The following PLXNA4 variants were observed in gnomAD, a reference collection of about 807,000 sequenced individuals.
PLXNA4 encodes plexin A4.
PLXNA4 carries 44 observed loss-of-function variants against 191.8 expected under a neutral mutation model. The observed-to-expected ratio is 0.23, with a 90% CI of 0.18 to 0.29. The LOEUF is 0.29. PLXNA4 is among the 10% of genes least tolerant of loss of function. The pLI is 1.00. For synonymous variants in PLXNA4, 1,082 were observed against 1,009.5 expected, an observed-to-expected ratio of 1.07 and a Z score of -1.36; for missense variants, 1,800 against 2,488.8, an observed-to-expected ratio of 0.72 and a Z score of 5.89.
chr7:132,555,045 G>GAAAAAAAAAAACAAAAAAAAAAAAAAAAA (rs770401001), intron 1 of PLXNA4, among the ~76,000 whole-genome samples: 1 of 111,938 alleles, frequency 8.9e-6, no homozygotes, highest in Non-Finnish European at 1.7e-5. Context: ...AAACCTGAAG[G>GAAAAAAAAAAACAAAAAAAAAAAAAAAAA]AAAAAAAAAA....
chr7:132,625,685 A>T (rs1423829412), intron 2 of PLXNA4, among the ~76,000 whole-genome samples: 1 of 152,184 alleles, frequency 6.6e-6, no homozygotes, highest in Non-Finnish European at 1.5e-5. Context: ...ATAGGATGTA[A>T]AGGAGTAAAA....
intron 25 of PLXNA4, among the ~76,000 whole-genome samples, chr7:132,149,144 G>A (rs1795521175): frequency 6.6e-6 from 1 of 152,086 alleles, no homozygotes; most frequent in African/African-American, 2.4e-5. Flanking sequence ...TGGCAGGTGT[G>A]TCACCCTTGT....
intron 3 of PLXNA4, among the ~76,000 whole-genome samples, chr7:132,405,734 G>A (rs1325809223): frequency 3.9e-5 from 6 of 152,200 alleles, no homozygotes; most frequent in Non-Finnish European, 7.3e-5. Flanking sequence ...ACATTGTGAG[G>A]ATGTGCAGAG....
At chr7:132,170,377 C>A (rs527431964) in intron 21 of PLXNA4, among the ~76,000 whole-genome samples, 2 of 152,262 alleles carry the variant, frequency 1.3e-5, no homozygotes, top group Non-Finnish European at 2.9e-5. Context: ...CTTGGCACTT[C>A]TTTCTGCCAT....
chr7:132,585,468 C>T (rs1157935834), intron 2 of PLXNA4, among the ~76,000 whole-genome samples: 3 of 152,134 alleles, frequency 2.0e-5, no homozygotes, highest in Admixed American at 2.0e-4. Context: ...AAAACACAAA[C>T]AAATGAGCCT....
chr7:132,434,905 T>G (rs916708083), intron 3 of PLXNA4, among the ~76,000 whole-genome samples: 1 of 152,166 alleles, frequency 6.6e-6, no homozygotes, highest in South Asian at 2.1e-4. Context: ...TCACCCAGGA[T>G]GAGGAACCCA....
At chr7:132,544,782 A>G (rs1357873452) in intron 1 of PLXNA4, among the ~76,000 whole-genome samples, 1 of 152,232 alleles carries the variant, frequency 6.6e-6, no homozygotes, top group Non-Finnish European at 1.5e-5. Flanking sequence ...GTATGAGTGA[A>G]TATCAAAAGT....
chr7:132,629,481 C>T (rs1289921550), intron 2 of PLXNA4, among the ~76,000 whole-genome samples: 6 of 152,216 alleles, frequency 3.9e-5, no homozygotes, highest in Non-Finnish European at 8.8e-5. Context: ...CTCTCCTGAA[C>T]CATTACCTCT....
chr7:132,268,555 G>A (rs529808905), intron 4 of PLXNA4, among the ~76,000 whole-genome samples: 6 of 152,290 alleles, frequency 3.9e-5, no homozygotes, highest in Admixed American at 2.0e-4. Context: ...TGTGGCTGGC[G>A]GGAGGGTCAT....
chr7:132,256,752 C>T (rs1430357558), intron 4 of PLXNA4, among the ~76,000 whole-genome samples: 1 of 152,182 alleles, frequency 6.6e-6, no homozygotes, highest in Non-Finnish European at 1.5e-5. Context: ...CAACCCATGA[C>T]CCTGTTAATG....
intron 24 of PLXNA4, among the ~76,000 whole-genome samples, chr7:132,160,298 T>C (rs578222757): frequency 5.3e-5 from 8 of 152,248 alleles, no homozygotes; most frequent in African/African-American, 7.2e-5. Context: ...TGAGATTCTT[T>C]CGTGGCCCTG....
chr7:132,522,116 C>T (rs1014002363), intron 1 of PLXNA4, among the ~76,000 whole-genome samples: 1 of 152,186 alleles, frequency 6.6e-6, no homozygotes, highest in Non-Finnish European at 1.5e-5. Context: ...GTAGACTCAG[C>T]AGCTCTTCTG....
At chr7:132,500,013 T>C (rs1247498021) in intron 2 of PLXNA4, among the ~76,000 whole-genome samples, 2 of 152,144 alleles carry the variant, frequency 1.3e-5, no homozygotes, top group Non-Finnish European at 2.9e-5. Context: ...TTTCTCCTTC[T>C]CTCCACTGAC....
At chr7:132,138,197 A>C (rs1469614257) in intron 30 of PLXNA4, among the ~76,000 whole-genome samples, 1 of 152,180 alleles carries the variant, frequency 6.6e-6, no homozygotes, top group Non-Finnish European at 1.5e-5. Context: ...ATGGTGCAGA[A>C]AACCTTCCCC....
At chr7:132,468,922 T>G (rs1796812621) in intron 3 of PLXNA4, among the ~76,000 whole-genome samples, 1 of 151,856 alleles carries the variant, frequency 6.6e-6, no homozygotes, top group African/African-American at 2.4e-5. Flanking sequence ...CAACAGGCAC[T>G]GAGAAAATGC....
At chr7:132,484,847 C>T in intron 3 of PLXNA4, 3 of 1,614,124 alleles carry the variant, frequency 1.9e-6, no homozygotes, top group Non-Finnish European at 2.5e-6. Context: ...ATTTAGGAAG[C>T]AACAAAGCAG....
rs372094033 is a variant in PLXNA4 at position 132,227,778 on chromosome 7, G to A, written c.1729-174C>T. On this transcript the variant is annotated intron_variant, in intron 6 of 31. Coordinates refer to ENST00000321063, the MANE Select transcript of PLXNA4 (RefSeq NM_020911.2). ...AGGTTATTAGGAGAGTGGCACAGAG[G>A]CCGTGGTGAGATGCAAAGAGACAGA... 1.3e-3 allele frequency among the ~76,000 whole-genome samples: 197 copies of A among 152,286 alleles called. 8 individuals carry two copies. In the South Asian group the frequency reaches 0.039, roughly 30 times the overall value.
At chr7:132,386,611 T>C (rs1418433073) in intron 3 of PLXNA4, among the ~76,000 whole-genome samples, 2 of 152,238 alleles carry the variant, frequency 1.3e-5, no homozygotes, top group Non-Finnish European at 2.9e-5. Flanking sequence ...TCAGAGGCTC[T>C]CTGGCTGCCT....
At chr7:132,441,343 A>T (rs1190954227) in intron 3 of PLXNA4, among the ~76,000 whole-genome samples, 2 of 152,208 alleles carry the variant, frequency 1.3e-5, no homozygotes, top group Non-Finnish European at 2.9e-5. Flanking sequence ...ATTTTGGAAG[A>T]TTGACCAGTA....
Sources: allele counts gnomAD v4.1 joint callset (sites outside exome capture counted in the v4.1 genomes callset), GRCh38; gene constraint gnomAD v4.1.1; transcripts MANE v1.5; gene names NCBI Gene and HGNC (gene_info 2026-07-23, HGNC 2026-07-21).